The following ABCF1 variants were observed in gnomAD, a reference collection of about 807,000 sequenced individuals.
ABCF1 encodes the protein ATP binding cassette subfamily F member 1.
A neutral mutation model predicts 126.3 loss-of-function variants in ABCF1; 73 were observed. The ratio of observed to expected loss-of-function variants is 0.58; its 90% CI spans 0.48 to 0.70. ABCF1 has a LOEUF of 0.70. ABCF1 is among the 30% of genes least tolerant of loss of function. The pLI, the probability that ABCF1 is intolerant of heterozygous loss-of-function variation, is 0.00. For synonymous variants in ABCF1, 345 were observed against 396.4 expected, an observed-to-expected ratio of 0.87 and a Z score of 1.54; for missense variants, 786 against 1,057.5, an observed-to-expected ratio of 0.74 and a Z score of 3.56.
At position 30,585,591 on chromosome 6, in the gene ABCF1, C is replaced by T. The variant is rs376861258; in HGVS notation, c.1509C>T (p.Ile503=). ...YLQGWRKTLL[I]VSHDQGFLDD... is the part of the protein sequence containing the mutation. Reference sequence around the variant, plus strand: ...AGGGCTGGCGGAAGACCTTGCTGATCGTCTCCCATGACCAGGGCTTCTTGG... The same window carrying T: ...AGGGCTGGCGGAAGACCTTGCTGATTGTCTCCCATGACCAGGGCTTCTTGG... The change falls in exon 16 of 25, where the codon ATC becomes ATT. Residue 503 remains isoleucine (I), a synonymous_variant. Coordinates refer to ENST00000326195, the MANE Select transcript of ABCF1 (RefSeq NM_001025091.2). 89 of 1,612,896 alleles carry T rather than the reference C, an allele frequency of 5.5e-5. 1 individual carries two copies. The highest frequency in any genetic ancestry group is 1.8e-4 in the East Asian group (8 of 44,896).
At chr6:30,585,219 C>CT in intron 14 of ABCF1, 41 bp from the exon 15 acceptor site, 1 of 1,562,962 alleles carries the variant, frequency 6.4e-7, no homozygotes, top group Non-Finnish European at 8.8e-7. Flanking sequence ...GAGCAAGGAT[C>CT]TTTCTCTCCC....
rs1414826710 is a variant in ABCF1 at position 30,583,138 on chromosome 6, G to A, written c.865G>A (p.Ala289Thr). 6.2e-7 allele frequency: 1 copy of A among 1,611,444 alleles called. No homozygotes were observed. Among genetic ancestry groups the A allele is most frequent in the Non-Finnish European group, 8.5e-7 (1 of 1,178,664 alleles). ...TGAAAATGACTTCTCCGTGTCCCAG[G>A]CGGAGATGTCCTCCCGCCAAGCCAT... ...AAENDFSVSQ[A>T]EMSSRQAMLE... is the part of the protein sequence containing the mutation. The change falls in exon 10 of 25, where the codon GCG becomes ACG. Residue 289 changes from alanine (A) to threonine (T), a missense_variant. Coordinates refer to ENST00000326195, the MANE Select transcript of ABCF1 (RefSeq NM_001025091.2). This position sits in a 1 kb window ranked among gnomAD's most constrained non-coding sequence, Gnocchi z 4.1.
chr6:30,573,293 C>G (rs1030057633), intron 1 of ABCF1, among the ~76,000 whole-genome samples: 3 of 152,164 alleles, frequency 2.0e-5, no homozygotes, highest in African/African-American at 7.2e-5. Flanking sequence ...AGACTATTAA[C>G]TGAAAGCAGT....
chr6:30,584,137 A>T lies in ABCF1; in HGVS notation c.1103-55A>T. 1.9e-6 allele frequency: 3 copies of T among 1,571,316 alleles called. No individual in the cohort carries two copies. The highest frequency in any genetic ancestry group is 2.6e-6 in the Non-Finnish European group (3 of 1,161,730). ...ACAGAAATGTAATTGAAGGGAAAGA[A>T]AGATGAGACTCTTGGCTCTTGAGGC... is the stretch of plus-strand genomic sequence containing the variant. On this transcript the variant is annotated intron_variant, in intron 12 of 24. Transcript: ENST00000326195. The surrounding 1 kb of genome is among the most constrained non-coding windows in gnomAD (Gnocchi z 4.6).
At position 30,578,463 on chromosome 6, in the gene ABCF1, T is replaced by G; in HGVS notation, c.382-7T>G. 1 of 1,613,878 alleles carries G rather than the reference T, an allele frequency of 6.2e-7. No individual in the cohort carries two copies. The highest frequency in any genetic ancestry group is 8.5e-7 in the Non-Finnish European group (1 of 1,179,966). On this transcript the variant is annotated splice_polypyrimidine_tract_variant and splice_region_variant and intron_variant, in intron 5 of 24. Transcript: ENST00000326195. ...CTACTGACTTCTGTGGCCCTTTCATTCTCTAGGGTGGTAATGTTTTTGCAG... is the reference window on the plus strand; with the variant it reads ...CTACTGACTTCTGTGGCCCTTTCATGCTCTAGGGTGGTAATGTTTTTGCAG...
chr6:30,586,206 C>T lies in ABCF1; in HGVS notation c.1786C>T (p.Gln596Ter). 1 of 1,614,020 alleles carries T rather than the reference C, an allele frequency of 6.2e-7. No homozygotes were observed. Among genetic ancestry groups the T allele is most frequent in the Non-Finnish European group, 8.5e-7 (1 of 1,179,962 alleles). Reference protein sequence around the residue: ...CRRKNQDEESQEAPELLKRPK... With the variant: ...CRRKNQDEES Reference sequence around the variant, plus strand: ...ACGGAAAAACCAAGATGAGGAATCCCAGGAGGCCCCTGAGCTCCTGAAGCG... The same window carrying T: ...ACGGAAAAACCAAGATGAGGAATCCTAGGAGGCCCCTGAGCTCCTGAAGCG... The change falls in exon 18 of 25, where the codon CAG (glutamine) becomes TAG (stop). Residue 596 changes from glutamine to a stop codon, truncating the protein, a stop_gained. Coordinates refer to ENST00000326195, the MANE Select transcript of ABCF1 (RefSeq NM_001025091.2). LOFTEE classifies it high-confidence loss of function. The surrounding 1 kb of genome is among the most constrained non-coding windows in gnomAD (Gnocchi z 4.9).
At position 30,589,909 on chromosome 6, in the gene ABCF1, G is replaced by A. The variant is rs1489039227; in HGVS notation, c.2168G>A (p.Arg723His). 4.3e-6 allele frequency: 7 copies of A among 1,614,128 alleles called. No individual in the cohort carries two copies. The highest frequency in any genetic ancestry group is 2.2e-5 in the East Asian group (1 of 44,880). Residue 723 changes from arginine to histidine, a missense_variant, in exon 22 of 25, where the codon CGC (arginine) becomes CAC (histidine). Coordinates refer to ENST00000326195, the MANE Select transcript of ABCF1 (RefSeq NM_001025091.2). ...TTCAACCTGCCCTACCAGGATGCCC[G>A]CAAGTGCCTGGGCCGCTTCGGCCTG... ...RGFNLPYQDA[R>H]KCLGRFGLES...
At chr6:30,578,709 A>G (rs1402726537) in intron 6 of ABCF1, 132 bp downstream of exon 6, 2 of 889,910 alleles carry the variant, frequency 2.2e-6, no homozygotes, top group Non-Finnish European at 3.5e-6. Flanking sequence ...TCTTTTTAGA[A>G]TACATGCCCA....
In ABCF1 at chr6:30,580,022, C is replaced by T. The variant is rs376861031; in HGVS notation, c.564+17C>T. ...AAGGCTAAGGTGAGAGAGTAACTAG[C>T]AGGAGGAGGTATTGGGGCCCAGGAA... On this transcript the variant is annotated intron_variant, in intron 7 of 24. Transcript: ENST00000326195. 4.2e-5 allele frequency: 67 copies of T among 1,610,758 alleles called. No homozygotes were observed. The highest frequency in any genetic ancestry group is 5.7e-5 in the Non-Finnish European group (67 of 1,178,612).
At chr6:30,573,104 A>T (rs1801335661) in intron 1 of ABCF1, among the ~76,000 whole-genome samples, 1 of 152,258 alleles carries the variant, frequency 6.6e-6, no homozygotes, top group South Asian at 2.1e-4. Flanking sequence ...GAACTGGTCA[A>T]GATGGAGGCG....
chr6:30,576,586 G>T (rs1013413986), intron 1 of ABCF1, among the ~76,000 whole-genome samples: 1 of 151,972 alleles, frequency 6.6e-6, no homozygotes, highest in Non-Finnish European at 1.5e-5. Flanking sequence ...ACCGCGCCCG[G>T]CCGGGTGCTC....
At chr6:30,578,417 A>G in intron 5 of ABCF1, 32 bp downstream of exon 5, 1 of 1,614,104 alleles carries the variant, frequency 6.2e-7, no homozygotes, top group Non-Finnish European at 8.5e-7. Context: ...CGGAGACTCC[A>G]AGGATGCAAC....
At chr6:30,572,883 A>G (rs977097186) in intron 1 of ABCF1, among the ~76,000 whole-genome samples, 11 of 152,230 alleles carry the variant, frequency 7.2e-5, no homozygotes, top group Admixed American at 2.0e-4. Flanking sequence ...GAAGGTAGAG[A>G]TGTAGGCAAG....
At position 30,583,079 on chromosome 6, in the gene ABCF1, G is replaced by A. The variant is rs1236470926; in HGVS notation, c.806G>A (p.Arg269His). The A allele has an allele frequency of 6.8e-6, 11 of 1,609,364 alleles. No individual in the cohort carries two copies. Among genetic ancestry groups the A allele is most frequent in the East Asian group, 4.5e-5 (2 of 44,792 alleles). ...KKLKKQMEYE[R>H]QVASLKAANA... ...CTACCTTCTCAGATGGAGTATGAGC[G>A]CCAAGTGGCTTCATTAAAAGCAGCC... Residue 269 changes from arginine (R) to histidine (H), a missense_variant, in exon 10 of 25, where the codon CGC (arginine) becomes CAC (histidine). Physicochemically the swap from Arg to His is conservative, Grantham distance 29. Around this residue, in one of 4 missense-constraint regions of ABCF1, gnomAD observed 322 missense variants for 322.9 expected, o/e 1.00. Coordinates refer to ENST00000326195, the MANE Select transcript of ABCF1 (RefSeq NM_001025091.2). This position sits in a 1 kb window ranked among gnomAD's most constrained non-coding sequence, Gnocchi z 4.1.
In ABCF1 at chr6:30,584,975, G is replaced by A. The variant is rs188948960; in HGVS notation, c.1392-285G>A. On this transcript the variant is annotated intron_variant, in intron 14 of 24. Transcript: ENST00000326195. This position sits in a 1 kb window ranked among gnomAD's most constrained non-coding sequence, Gnocchi z 4.6. ...TTAAAGATCAGCTGGATATGGTGGC[G>A]CACGCTGTGGTCACAGCTACTCTGG... is the stretch of plus-strand genomic sequence containing the variant. Among the ~76,000 whole-genome samples the A allele has an allele frequency of 1.9e-3, 288 of 152,208 alleles. 2 individuals carry two copies. Among genetic ancestry groups the A allele is most frequent in the Admixed American group, 5.8e-3 (89 of 15,284 alleles).
intron 8 of ABCF1, among the ~76,000 whole-genome samples, chr6:30,581,243 C>T (rs1314980604): frequency 6.6e-6 from 1 of 151,998 alleles, no homozygotes; most frequent in East Asian, 1.9e-4. Context: ...GGCTGTGTGA[C>T]CTTGAATACA....
intron 1 of ABCF1, among the ~76,000 whole-genome samples, chr6:30,573,365 G>T (rs184431740): frequency 5.3e-5 from 8 of 152,336 alleles, no homozygotes; most frequent in Admixed American, 5.2e-4. Context: ...TGAGTTAGGC[G>T]TTTCTGAGGA....
chr6:30,589,648 TC>T, intron 20 of ABCF1, 39 bp from the exon 21 acceptor site: 1 of 1,611,302 alleles, frequency 6.2e-7, no homozygotes, highest in Non-Finnish European at 8.5e-7. Context: ...AGCACCTTTT[TC>T]CCTTGCCCTC....
At chr6:30,579,785 G>T in intron 6 of ABCF1, 146 bp from the exon 7 acceptor site, 1 of 635,648 alleles carries the variant, frequency 1.6e-6, no homozygotes, top group Admixed American at 4.1e-5. Flanking sequence ...TTAAGTTTCT[G>T]GTGGGTTTAT....
Sources: allele counts gnomAD v4.1 joint callset (sites outside exome capture counted in the v4.1 genomes callset), GRCh38; gene constraint gnomAD v4.1.1; regional missense constraint gnomAD v4.1.1; non-coding constraint Gnocchi (gnomAD v3.1); transcripts MANE v1.5; gene names NCBI Gene and HGNC (gene_info 2026-07-23, HGNC 2026-07-21).